Variants in FA2H observed in about 807,000 individuals in gnomAD.
The protein encoded by FA2H is fatty acid 2-hydroxylase, also known as fatty acid alpha-hydroxylase.
In FA2H, 22 loss-of-function variants were observed where a neutral mutation model predicts 44.9. That is an observed-to-expected ratio of 0.49 (90% CI 0.35 to 0.70). FA2H has a LOEUF of 0.70. Ranked by LOEUF, FA2H falls within the 30% of genes least tolerant of loss-of-function variation. FA2H has a pLI of 0.01. For missense variants in FA2H, 501 were observed against 504.9 expected, an observed-to-expected ratio of 0.99 and a Z score of 0.07; for synonymous variants, 243 against 213.2, an observed-to-expected ratio of 1.14 and a Z score of -1.22.
In FA2H at chr16:74,739,339, C is replaced by A. The variant is rs551841844; in HGVS notation, c.363+684G>T. Among the ~76,000 whole-genome samples the A allele has an allele frequency of 1.1e-4, 16 of 152,040 alleles. No homozygotes were observed. The East Asian group carries it at 2.9e-3, about 28-fold the overall frequency. Reference sequence around the variant, plus strand: ...GAAGGAAATGGCACCAAGCCCAGCTCCCTCCAGTGACCCCCTCCAGTGACC... The same window carrying A: ...GAAGGAAATGGCACCAAGCCCAGCTACCTCCAGTGACCCCCTCCAGTGACC... On this transcript the variant is annotated intron_variant, in intron 2 of 6. Coordinates refer to ENST00000219368, the MANE Select transcript of FA2H (RefSeq NM_024306.5).
At chr16:74,766,816 G>A (rs1962817717) in intron 1 of FA2H, among the ~76,000 whole-genome samples, 1 of 152,202 alleles carries the variant, frequency 6.6e-6, no homozygotes, top group Admixed American at 6.5e-5. Flanking sequence ...AATACTGAGT[G>A]AAAGCAGCCA....
intron 1 of FA2H, among the ~76,000 whole-genome samples, chr16:74,759,383 G>A (rs372655763): frequency 3.9e-5 from 6 of 152,128 alleles, no homozygotes; most frequent in South Asian, 2.1e-4. Flanking sequence ...ACATGCCATC[G>A]GCTGATTGGC....
chr16:74,757,666 C>G lies in FA2H; in HGVS notation c.270+16820G>C, dbSNP rs80219304. ...ATATGTCATTGGGTGAAAAAGACAG[C>G]AAGTTGTCAAGCAGTCTGCCTCATA... is the stretch of plus-strand genomic sequence containing the variant. On this transcript the variant is annotated intron_variant, in intron 1 of 6. Coordinates refer to ENST00000219368, the MANE Select transcript of FA2H (RefSeq NM_024306.5). Among the ~76,000 whole-genome samples, 600 of 152,252 alleles carry G rather than the reference C, an allele frequency of 3.9e-3. 4 individuals carry two copies. Among genetic ancestry groups the G allele is most frequent in the African/African-American group, 0.014 (583 of 41,536 alleles).
chr16:74,769,817 C>T (rs1279793088), intron 1 of FA2H, among the ~76,000 whole-genome samples: 1 of 152,224 alleles, frequency 6.6e-6, no homozygotes, highest in African/African-American at 2.4e-5. Flanking sequence ...CTTGACCCCA[C>T]CGCCCTGAGC....
intron 1 of FA2H, among the ~76,000 whole-genome samples, chr16:74,770,028 C>G (rs1181284891): frequency 6.6e-6 from 1 of 152,234 alleles, no homozygotes; most frequent in Non-Finnish European, 1.5e-5. Flanking sequence ...GGGTCCAGGC[C>G]TTCTCCCTGG....
intron 1 of FA2H, among the ~76,000 whole-genome samples, chr16:74,747,662 G>C (rs1027707518): frequency 1.4e-4 from 22 of 152,144 alleles, no homozygotes; most frequent in African/African-American, 5.1e-4. Flanking sequence ...GCCTCTCCAA[G>C]CCAAGGATGG....
chr16:74,749,819 G>A (rs1248354589), intron 1 of FA2H, among the ~76,000 whole-genome samples: 1 of 152,096 alleles, frequency 6.6e-6, no homozygotes, highest in South Asian at 2.1e-4. Flanking sequence ...CTCTAACCTC[G>A]GATTAGGGCA....
At chr16:74,747,106 T>A (rs1476202915) in intron 1 of FA2H, among the ~76,000 whole-genome samples, 1 of 151,668 alleles carries the variant, frequency 6.6e-6, no homozygotes, top group Admixed American at 6.6e-5. Context: ...AGGTCAGGAG[T>A]TTGAGACCAG....
chr16:74,760,470 C>G (rs1039452499), intron 1 of FA2H, among the ~76,000 whole-genome samples: 17 of 152,226 alleles, frequency 1.1e-4, no homozygotes, highest in African/African-American at 4.1e-4. Flanking sequence ...TCCCAGCTTA[C>G]ACTCTGACCC....
intron 1 of FA2H, among the ~76,000 whole-genome samples, chr16:74,756,004 C>T (rs1242693427): frequency 1.3e-5 from 2 of 152,220 alleles, no homozygotes; most frequent in African/African-American, 4.8e-5. Flanking sequence ...TAATATGCTC[C>T]TCATGCAATT....
chr16:74,738,427 C>T (rs1193765313), intron 2 of FA2H, among the ~76,000 whole-genome samples: 6 of 152,084 alleles, frequency 3.9e-5, no homozygotes, highest in Non-Finnish European at 4.4e-5. Flanking sequence ...AACCACAGCT[C>T]GGGGAGACTG....
chr16:74,728,316 G>C (rs972975881), intron 2 of FA2H, among the ~76,000 whole-genome samples: 9 of 152,238 alleles, frequency 5.9e-5, no homozygotes, highest in African/African-American at 2.2e-4. Flanking sequence ...GATGTGGCAT[G>C]CCAAGCAGGA....
chr16:74,739,889 A>G, intron 2 of FA2H, 134 bp downstream of exon 2: 1 of 787,326 alleles, frequency 1.3e-6, no homozygotes, highest in Non-Finnish European at 2.3e-6. Context: ...TGGGCTGTGG[A>G]CACCTGCTTC....
chr16:74,736,768 CCTCT>C (rs1208733678), intron 2 of FA2H, among the ~76,000 whole-genome samples: 4 of 152,128 alleles, frequency 2.6e-5, no homozygotes, highest in Non-Finnish European at 5.9e-5. Context: ...CTCCTCCCTC[CCTCT>C]GCCACTCCCT....
At chr16:74,767,139 T>A (rs1962824708) in intron 1 of FA2H, among the ~76,000 whole-genome samples, 1 of 151,964 alleles carries the variant, frequency 6.6e-6, no homozygotes, top group Non-Finnish European at 1.5e-5. Context: ...TGAAACCCCG[T>A]CTCTACTAAA....
rs553010998 is a variant in FA2H at position 74,754,916 on chromosome 16, A to T, written c.271-14801T>A. Among the ~76,000 whole-genome samples the T allele has an allele frequency of 5.3e-5, 8 of 152,242 alleles. No homozygotes were observed. The East Asian group carries it at 1.5e-3, about 29-fold the overall frequency. On this transcript the variant is annotated intron_variant, in intron 1 of 6. Transcript: ENST00000219368. ...ACTTCAGTATGACTAGCATCCTCCT[A>T]AGAGGGGACTGAGGAGACATTGACA...
chr16:74,770,865 A>G (rs1962893236), intron 1 of FA2H, among the ~76,000 whole-genome samples: 1 of 152,242 alleles, frequency 6.6e-6, no homozygotes, highest in Non-Finnish European at 1.5e-5. Flanking sequence ...TGTCTGCAGC[A>G]TGGCCCGCCC....
intron 2 of FA2H, among the ~76,000 whole-genome samples, chr16:74,733,474 C>G (rs1442719372): frequency 2.0e-5 from 3 of 152,146 alleles, no homozygotes; most frequent in Non-Finnish European, 4.4e-5. Flanking sequence ...AGCCTCCACA[C>G]AGTTTCCCAA....
intron 4 of FA2H, among the ~76,000 whole-genome samples, chr16:74,724,024 T>A (rs1224723902): frequency 6.6e-6 from 1 of 152,002 alleles, no homozygotes; most frequent in East Asian, 1.9e-4. Context: ...GCCTCAGCCT[T>A]CCAAGTAGCT....
Sources: gnomAD v4.1 joint callset for allele counts (sites outside exome capture counted in the v4.1 genomes callset) on GRCh38, gnomAD v4.1.1 for gene constraint, MANE v1.5 for transcripts, NCBI Gene and HGNC (gene_info 2026-07-23, HGNC 2026-07-21) for gene names.